Variants in INSL6 observed in about 807,000 individuals in gnomAD.
INSL6 encodes the protein insulin-like peptide INSL6.
Under a neutral mutation model 9.4 loss-of-function variants are expected in INSL6, and 16 were observed. That is an observed-to-expected ratio of 1.70 (90% CI 1.15 to 2.59). The LOEUF (loss-of-function observed/expected upper bound fraction) is 2.59, where lower values mean the gene tolerates loss of function less well. INSL6 is among the 30% of genes most tolerant of loss of function. The pLI is 0.00. For missense variants in INSL6, 391 were observed against 257.3 expected, an observed-to-expected ratio of 1.52 and a Z score of -3.56; for synonymous variants, 154 against 96.9, an observed-to-expected ratio of 1.59 and a Z score of -3.46.
At chr9:5,036,333 A>C in the INSL6 span, among the ~76,000 whole-genome samples, 1 of 152,248 alleles carries the variant, frequency 6.6e-6, no homozygotes, top group Non-Finnish European at 1.5e-5. Context: ...TGCCATCCCC[A>C]TCAAGCTACA....
At chr9:5,011,827 C>T in the INSL6 span, among the ~76,000 whole-genome samples, 1 of 152,158 alleles carries the variant, frequency 6.6e-6, no homozygotes, top group Non-Finnish European at 1.5e-5. Flanking sequence ...TGGTTTTAGG[C>T]TTTGTTGGGA....
intron 2 of INSL6, among the ~76,000 whole-genome samples, chr9:5,151,870 C>T (rs1564042876): frequency 1.3e-5 from 2 of 151,846 alleles, no homozygotes; most frequent in African/African-American, 4.8e-5. Context: ...AAAGCAAGAA[C>T]CAATGACACG....
At chr9:5,049,120 C>T in the INSL6 span, among the ~76,000 whole-genome samples, 2 of 152,162 alleles carry the variant, frequency 1.3e-5, no homozygotes, top group Non-Finnish European at 2.9e-5. Flanking sequence ...TTAGTATCTT[C>T]TGTTTCCTGG....
chr9:5,142,059 T>C (rs1287510632), intron 2 of INSL6, among the ~76,000 whole-genome samples: 1 of 152,220 alleles, frequency 6.6e-6, no homozygotes, highest in African/African-American at 2.4e-5. Flanking sequence ...TTCTCTATTC[T>C]GTTCCATTGG....
At chr9:5,013,920 T>C in the INSL6 span, among the ~76,000 whole-genome samples, 1 of 152,124 alleles carries the variant, frequency 6.6e-6, no homozygotes, top group Non-Finnish European at 1.5e-5. Context: ...TGTAAGTAGT[T>C]TGCAATAAGA....
rs767186616 is a variant in INSL6, at chr9:5,185,384, T to A, written c.219A>T (p.Glu73Asp). ...TTTCGAACTGGTATGGGCTGTAGGC[T>A]TCGACCTTCTCCGAGGCCTGTGCAA... is the stretch of plus-strand genomic sequence containing the variant. The part of the protein sequence containing the change: ...RLIAQASEKV[E>D]AYSPYQFESP... The change falls in exon 1 of 2, where the codon GAA becomes GAT. Residue 73 changes from glutamate (E) to aspartate (D), a missense_variant. By Grantham distance (45) the Glu-to-Asp change is conservative. Transcript: ENST00000381641. The A allele has an allele frequency of 8.1e-6, 13 of 1,614,142 alleles. No individual in the cohort carries two copies. The South Asian group carries it at 1.4e-4, about 18-fold the overall frequency.
chr9:4,997,520 G>C, the INSL6 span, among the ~76,000 whole-genome samples: 2 of 152,124 alleles, frequency 1.3e-5, no homozygotes, highest in African/African-American at 4.8e-5. Context: ...CACCAAGGGG[G>C]ATGTTGCTAA....
the INSL6 span, chr9:5,072,366 T>G: frequency 6.5e-6 from 4 of 613,072 alleles, no homozygotes; most frequent in South Asian, 1.4e-4. Flanking sequence ...TAAATCTGGA[T>G]TTAGATTCTA....
chr9:5,102,710 C>T, the INSL6 span, among the ~76,000 whole-genome samples: 1 of 152,328 alleles, frequency 6.6e-6, no homozygotes, highest in East Asian at 1.9e-4. Flanking sequence ...AGAAACTCTA[C>T]AAGCCAGAAG....
the INSL6 span, among the ~76,000 whole-genome samples, chr9:5,046,410 C>T: frequency 6.6e-6 from 1 of 152,072 alleles, no homozygotes; most frequent in Non-Finnish European, 1.5e-5. Context: ...TTAAATTTGG[C>T]TGTATTCTAA....
At chr9:5,086,407 A>T in the INSL6 span, among the ~76,000 whole-genome samples, 3 of 152,216 alleles carry the variant, frequency 2.0e-5, no homozygotes, top group African/African-American at 7.2e-5. Flanking sequence ...TTCAGAGATC[A>T]GGATCTTAGT....
the INSL6 span, chr9:5,070,044 T>C: frequency 6.2e-7 from 1 of 1,600,944 alleles, no homozygotes; most frequent in Admixed American, 1.7e-5. Context: ...AAATGAAGAT[T>C]TGATATTTGT....
At chr9:5,089,649 C>T in the INSL6 span, 1 of 1,232,312 alleles carries the variant, frequency 8.1e-7, no homozygotes, top group Non-Finnish European at 1.1e-6. Flanking sequence ...TTGGTATTTC[C>T]ATCCTAATGT....
At chr9:5,056,567 T>C in the INSL6 span, among the ~76,000 whole-genome samples, 2 of 152,128 alleles carry the variant, frequency 1.3e-5, no homozygotes, top group Admixed American at 6.6e-5. Context: ...AAAAATATGA[T>C]AGTACACCTA....
the INSL6 span, among the ~76,000 whole-genome samples, chr9:5,027,220 T>C: frequency 2.6e-5 from 4 of 152,208 alleles, no homozygotes; most frequent in Admixed American, 6.5e-5. Context: ...CTCGGAGATA[T>C]TGTGGGTTTG....
intron 2 of INSL6, among the ~76,000 whole-genome samples, chr9:5,153,576 C>T (rs145631943): frequency 1.0e-3 from 156 of 152,274 alleles, no homozygotes; most frequent in African/African-American, 3.7e-3. Context: ...ATTTAGAAAA[C>T]CCCATCGTCT....
the INSL6 span, chr9:5,114,089 C>A: frequency 2.9e-6 from 1 of 342,084 alleles, no homozygotes. Flanking sequence ...CCCAGAAGCG[C>A]TGGCTGCCCG....
At chr9:5,185,182 T>A (rs1322672283) in intron 1 of INSL6, 132 bp downstream of exon 1, 3 of 1,154,202 alleles carry the variant, frequency 2.6e-6, no homozygotes, top group Non-Finnish European at 3.8e-6. Flanking sequence ...ACACTGTTTT[T>A]TACAATTTTT....
At chr9:5,136,967 TAC>T in intron 2 of INSL6, among the ~76,000 whole-genome samples, 1 of 152,314 alleles carries the variant, frequency 6.6e-6, no homozygotes. Flanking sequence ...AGCATTCTTA[TAC>T]ACCAATAACA....
Sources: allele counts gnomAD v4.1 joint callset (sites outside exome capture counted in the v4.1 genomes callset), GRCh38; gene constraint gnomAD v4.1.1; transcripts MANE v1.5; gene names NCBI Gene and HGNC (gene_info 2026-07-23, HGNC 2026-07-21).